The following GPC5 variants were observed in gnomAD, a reference collection of about 807,000 sequenced individuals.
GPC5 encodes the protein glypican-5.
In GPC5, 47 loss-of-function variants were observed where a neutral mutation model predicts 53.9. That is an observed-to-expected ratio of 0.87 (90% CI 0.69 to 1.11). The LOEUF is 1.11. Among genes scored for constraint, GPC5 ranks in the 50% most tolerant of loss-of-function variants. The pLI, the probability that GPC5 is intolerant of heterozygous loss-of-function variation, is 0.00. For missense variants in GPC5, 748 were observed against 713.1 expected, an observed-to-expected ratio of 1.05 and a Z score of -0.56; for synonymous variants, 286 against 263.3, an observed-to-expected ratio of 1.09 and a Z score of -0.84.
intron 7 of GPC5, among the ~76,000 whole-genome samples, chr13:92,543,705 T>C (rs1014768321): frequency 3.3e-5 from 5 of 152,126 alleles, no homozygotes; most frequent in African/African-American, 1.2e-4. Context: ...AATATAGCTA[T>C]ATTAGATGAA....
intron 7 of GPC5, among the ~76,000 whole-genome samples, chr13:92,306,380 A>C (rs762958723): frequency 5.9e-5 from 9 of 152,160 alleles, no homozygotes; most frequent in Non-Finnish European, 1.3e-4. Flanking sequence ...AAAGGAAAGA[A>C]ATAGTAAAAA....
intron 1 of GPC5, among the ~76,000 whole-genome samples, chr13:91,431,049 A>G (rs965162182): frequency 1.3e-5 from 2 of 151,762 alleles, no homozygotes; most frequent in African/African-American, 4.8e-5. Context: ...TAATTTTTCT[A>G]TTTTTTGTAG....
intron 5 of GPC5, among the ~76,000 whole-genome samples, chr13:91,783,908 T>C (rs1290106726): frequency 6.6e-6 from 1 of 152,240 alleles, no homozygotes; most frequent in African/African-American, 2.4e-5. Context: ...AAATATGGTT[T>C]CTTACCAATG....
At chr13:92,613,086 C>T (rs1159487069) in intron 7 of GPC5, among the ~76,000 whole-genome samples, 1 of 150,126 alleles carries the variant, frequency 6.7e-6, no homozygotes, top group East Asian at 2.0e-4. Flanking sequence ...ATGATCGAGA[C>T]TTTGATTAAG....
intron 2 of GPC5, among the ~76,000 whole-genome samples, chr13:91,493,978 A>G (rs996919201): frequency 4.0e-5 from 6 of 151,846 alleles, no homozygotes; most frequent in Admixed American, 3.3e-4. Context: ...GGTTCAAGCA[A>G]TTCCCCTGCC....
intron 7 of GPC5, among the ~76,000 whole-genome samples, chr13:92,494,654 G>A (rs190843311): frequency 9.9e-5 from 15 of 152,050 alleles, no homozygotes; most frequent in South Asian, 4.2e-4. Context: ...AATATATATT[G>A]CATTAGTTTA....
chr13:92,196,243 A>G (rs1480916966), intron 7 of GPC5, among the ~76,000 whole-genome samples: 1 of 152,192 alleles, frequency 6.6e-6, no homozygotes, highest in Admixed American at 6.5e-5. Flanking sequence ...TGAAAAATTA[A>G]TATCAATTTT....
intron 7 of GPC5, among the ~76,000 whole-genome samples, chr13:92,809,711 C>A (rs2138796870): frequency 6.6e-6 from 1 of 152,184 alleles, no homozygotes; most frequent in Non-Finnish European, 1.5e-5. Context: ...AGACCACTGA[C>A]CACAGATCAC....
At chr13:91,424,748 A>G (rs1229293615) in intron 1 of GPC5, among the ~76,000 whole-genome samples, 1 of 152,166 alleles carries the variant, frequency 6.6e-6, no homozygotes, top group Non-Finnish European at 1.5e-5. Flanking sequence ...CCAAGGGCTT[A>G]GGAAATACTG....
chr13:91,834,385 G>GA (rs763683912), intron 5 of GPC5, among the ~76,000 whole-genome samples: 2 of 151,942 alleles, frequency 1.3e-5, no homozygotes, highest in African/African-American at 4.8e-5. Context: ...CACAGAATTG[G>GA]AAAAAACTAC....
chr13:92,442,078 G>A (rs943687736), intron 7 of GPC5, among the ~76,000 whole-genome samples: 10 of 152,286 alleles, frequency 6.6e-5, no homozygotes, highest in Admixed American at 5.9e-4. Flanking sequence ...AGTGTATAAA[G>A]TGAAGTGAAA....
chr13:91,702,623 T>A lies in GPC5; in HGVS notation c.1020+8742T>A, dbSNP rs151008350. On this transcript the variant is annotated intron_variant, in intron 3 of 7. Coordinates refer to ENST00000377067, the MANE Select transcript of GPC5 (RefSeq NM_004466.6). ...CACAATATTGCTTTACTATTTGTAG[T>A]CTTTTGTGGTTCCATACAAATTTTA... Among the ~76,000 whole-genome samples, 400 of 152,204 alleles carry A rather than the reference T, an allele frequency of 2.6e-3. 4 individuals carry two copies. The highest frequency in any genetic ancestry group is 9.3e-3 in the African/African-American group (386 of 41,578).
At chr13:92,352,982 C>T (rs2139270224) in intron 7 of GPC5, among the ~76,000 whole-genome samples, 1 of 152,138 alleles carries the variant, frequency 6.6e-6, no homozygotes, top group South Asian at 2.1e-4. Context: ...TGTATCAGGC[C>T]GGGCGCGGTG....
At chr13:91,547,833 A>G (rs2030384371) in intron 2 of GPC5, among the ~76,000 whole-genome samples, 1 of 152,178 alleles carries the variant, frequency 6.6e-6, no homozygotes, top group East Asian at 1.9e-4. Flanking sequence ...TTGAAAATCA[A>G]TTAATGATTT....
chr13:92,519,857 A>G (rs1258835960), intron 7 of GPC5, among the ~76,000 whole-genome samples: 1 of 152,150 alleles, frequency 6.6e-6, no homozygotes, highest in African/African-American at 2.4e-5. Context: ...TTTTGAAAAG[A>G]TCAACAAAAT....
At chr13:92,521,254 TTC>T (rs1188124569) in intron 7 of GPC5, among the ~76,000 whole-genome samples, 1 of 152,162 alleles carries the variant, frequency 6.6e-6, no homozygotes, top group Non-Finnish European at 1.5e-5. Flanking sequence ...AATGAGTTTC[TTC>T]ACAGAATTGG....
At chr13:91,918,161 G>A (rs1190814393) in intron 6 of GPC5, among the ~76,000 whole-genome samples, 1 of 152,104 alleles carries the variant, frequency 6.6e-6, no homozygotes, top group Non-Finnish European at 1.5e-5. Flanking sequence ...AGTGTAAACA[G>A]GGGAAATGTC....
At position 92,856,411 on chromosome 13, in the gene GPC5, T is replaced by A. The variant is rs145868564; in HGVS notation, c.1562-9871T>A. On this transcript the variant is annotated intron_variant, in intron 7 of 7. Transcript: ENST00000377067. ...CCACTGAATGGGCAAAAGCTAGAAG[T>A]GTTTCCCTTAAGAAGTGAAACAAGA... Among the ~76,000 whole-genome samples, 68 of 152,168 alleles carry A rather than the reference T, an allele frequency of 4.5e-4. 1 individual carries two copies. The East Asian group carries it at 0.01, about 22-fold the overall frequency.
At chr13:92,008,159 T>G in intron 6 of GPC5, among the ~76,000 whole-genome samples, 1 of 148,366 alleles carries the variant, frequency 6.7e-6, no homozygotes, top group African/African-American at 2.5e-5. Context: ...GCCTCCCGGG[T>G]TCACGCCATT....
Sources: gnomAD v4.1 joint callset for allele counts (sites outside exome capture counted in the v4.1 genomes callset) on GRCh38, gnomAD v4.1.1 for gene constraint, MANE v1.5 for transcripts, NCBI Gene and HGNC (gene_info 2026-07-23, HGNC 2026-07-21) for gene names.